The following PHKB variants were observed in gnomAD, a reference collection of about 807,000 sequenced individuals.
The protein encoded by PHKB is phosphorylase b kinase regulatory subunit beta.
PHKB carries 122 observed loss-of-function variants against 152.1 expected under a neutral mutation model. The ratio of observed to expected loss-of-function variants is 0.80; its 90% confidence interval spans 0.69 to 0.93. The LOEUF (loss-of-function observed/expected upper bound fraction) is 0.93, where lower values mean the gene tolerates loss of function less well. Ranked by LOEUF, PHKB falls within the 40% of genes least tolerant of loss-of-function variation. The pLI is 0.00. For synonymous variants in PHKB, 436 were observed against 464.9 expected (o/e 0.94, Z 0.80); for missense variants, 1,304 against 1,328.4 (o/e 0.98, Z 0.29).
At chr16:47,464,181 T>C (rs1235626215) in intron 1 of PHKB, 4 of 600,322 alleles carry the variant, frequency 6.7e-6, no homozygotes, top group South Asian at 1.9e-5. Flanking sequence ...GTTCTTCTCA[T>C]GTGGGATGTG....
At chr16:47,642,730 G>C (rs994613126) in intron 16 of PHKB, among the ~76,000 whole-genome samples, 3 of 152,026 alleles carry the variant, frequency 2.0e-5, no homozygotes, top group Admixed American at 6.6e-5. Flanking sequence ...CCAGAACCTG[G>C]GTGTCAGGTC....
At chr16:47,653,411 A>C (rs1181493149) in intron 20 of PHKB, among the ~76,000 whole-genome samples, 1 of 152,166 alleles carries the variant, frequency 6.6e-6, no homozygotes, top group Non-Finnish European at 1.5e-5. Flanking sequence ...TAGGGAATGG[A>C]AAGGAACTTT....
chr16:47,699,219 T>C lies in PHKB; in HGVS notation c.3145-10T>C, dbSNP rs1028127217. 1 of 1,613,794 alleles carries C rather than the reference T, an allele frequency of 6.2e-7. No individual in the cohort carries two copies. The highest frequency in any genetic ancestry group is 8.5e-7 in the Non-Finnish European group (1 of 1,179,804). The stretch of plus-strand genomic sequence containing the variant: ...AGATCGAATGCCTTGCCTACTGTTT[T>C]CCTTTGTAGGATGACATGACTTCCT... On this transcript the variant is annotated splice_polypyrimidine_tract_variant and intron_variant, in intron 30 of 30. Transcript: ENST00000323584.
At chr16:47,586,200 T>C (rs2151695964) in intron 8 of PHKB, among the ~76,000 whole-genome samples, 1 of 152,356 alleles carries the variant, frequency 6.6e-6, no homozygotes, top group East Asian at 1.9e-4. Context: ...TGTGGTATGC[T>C]GCCTTTTTGT....
At chr16:47,680,748 G>C (rs1250327723) in intron 26 of PHKB, among the ~76,000 whole-genome samples, 1 of 152,066 alleles carries the variant, frequency 6.6e-6, no homozygotes. Flanking sequence ...TTTTTGAAGG[G>C]TTTTTTGTGT....
intron 1 of PHKB, among the ~76,000 whole-genome samples, chr16:47,479,458 A>ATT (rs1221626791): frequency 1.4e-5 from 2 of 138,520 alleles, no homozygotes; most frequent in Non-Finnish European, 1.6e-5. Flanking sequence ...CTTCTCTCTC[A>ATT]TTTTTTTTTT....
intron 26 of PHKB, among the ~76,000 whole-genome samples, chr16:47,683,211 A>C (rs1973896753): frequency 6.6e-6 from 1 of 152,226 alleles, no homozygotes; most frequent in Non-Finnish European, 1.5e-5. Context: ...CTCGGGGGTC[A>C]AGGACCTACT....
chr16:47,482,785 A>G (rs2151634484), intron 1 of PHKB, among the ~76,000 whole-genome samples: 1 of 152,014 alleles, frequency 6.6e-6, no homozygotes, highest in Non-Finnish European at 1.5e-5. Flanking sequence ...AGTGGCAGTG[A>G]TCTCCGCTCA....
At chr16:47,542,826 C>G (rs1971084999) in intron 6 of PHKB, among the ~76,000 whole-genome samples, 1 of 152,108 alleles carries the variant, frequency 6.6e-6, no homozygotes, top group African/African-American at 2.4e-5. Flanking sequence ...TATAAGAATG[C>G]TTGTGATTTT....
intron 13 of PHKB, among the ~76,000 whole-genome samples, chr16:47,603,741 G>T (rs528396579): frequency 6.6e-6 from 1 of 152,226 alleles, no homozygotes; most frequent in East Asian, 1.9e-4. Flanking sequence ...CTGAGCTCGG[G>T]CAATCTGCCC....
intron 1 of PHKB, among the ~76,000 whole-genome samples, chr16:47,483,269 A>G (rs545773735): frequency 8.2e-4 from 124 of 151,880 alleles, no homozygotes; most frequent in African/African-American, 2.9e-3. Flanking sequence ...GCTGGTCTCA[A>G]ACTCCTGACC....
intron 7 of PHKB, among the ~76,000 whole-genome samples, chr16:47,557,401 A>C (rs1313731410): frequency 6.6e-6 from 1 of 152,252 alleles, no homozygotes; most frequent in Admixed American, 6.5e-5. Context: ...ATTAAACTAA[A>C]GAGCTTCTGC....
intron 14 of PHKB, among the ~76,000 whole-genome samples, chr16:47,617,369 A>G (rs1294222896): frequency 6.6e-6 from 1 of 151,672 alleles, no homozygotes; most frequent in Non-Finnish European, 1.5e-5. Flanking sequence ...CATTGTAGCT[A>G]TTGCCTCTAT....
At chr16:47,605,457 CTG>C (rs952571811) in intron 13 of PHKB, among the ~76,000 whole-genome samples, 10 of 152,188 alleles carry the variant, frequency 6.6e-5, no homozygotes, top group African/African-American at 2.4e-4. Context: ...CTTAATTTAT[CTG>C]TCACTATTTA....
chr16:47,690,899 A>G (rs2142103996), intron 27 of PHKB, among the ~76,000 whole-genome samples: 1 of 152,304 alleles, frequency 6.6e-6, no homozygotes, highest in African/African-American at 2.4e-5. Context: ...CATCAAAATC[A>G]TATATCCCCT....
At chr16:47,539,453 T>C (rs1971012052) in intron 6 of PHKB, among the ~76,000 whole-genome samples, 1 of 152,202 alleles carries the variant, frequency 6.6e-6, no homozygotes, top group African/African-American at 2.4e-5. Flanking sequence ...ATAAAAACAA[T>C]GTTTTATACT....
rs1341364715 is a variant in PHKB, at chr16:47,696,493, G to C, written c.3003+5G>C. On this transcript the variant is annotated splice_donor_5th_base_variant and intron_variant, in intron 29 of 30. Transcript: ENST00000323584. Reference sequence around the variant, plus strand: ...TACAGACAGATCGTTGTAGAGGTGAGTAGTAAGAAATGAAGATTGCTGAAT... The same window carrying C: ...TACAGACAGATCGTTGTAGAGGTGACTAGTAAGAAATGAAGATTGCTGAAT... 1 of 1,491,498 alleles carries C rather than the reference G, an allele frequency of 6.7e-7. No homozygotes were observed. Among genetic ancestry groups the C allele is most frequent in the Admixed American group, 1.7e-5 (1 of 59,892 alleles). The allele number at this position is 1,491,498 out of a possible 1,614,324, so 92.4% of individuals were successfully genotyped here.
intron 20 of PHKB, among the ~76,000 whole-genome samples, chr16:47,660,144 G>A (rs563033295): frequency 6.6e-6 from 1 of 152,330 alleles, no homozygotes; most frequent in Admixed American, 6.5e-5. Context: ...TTACGGGCAT[G>A]AGCCACTGCA....
chr16:47,642,138 G>A (rs1025029898), intron 16 of PHKB, among the ~76,000 whole-genome samples: 1 of 150,756 alleles, frequency 6.6e-6, no homozygotes, highest in Non-Finnish European at 1.5e-5. Flanking sequence ...AAATATTTAG[G>A]TGTGAGAAGG....
Sources: gnomAD v4.1 joint callset for allele counts (sites outside exome capture counted in the v4.1 genomes callset) on GRCh38, gnomAD v4.1.1 for gene constraint, MANE v1.5 for transcripts, NCBI Gene and HGNC (gene_info 2026-07-23, HGNC 2026-07-21) for gene names.